The following PALM2AKAP2 variants were observed in gnomAD, a reference collection of about 807,000 sequenced individuals.
PALM2AKAP2 encodes the protein PALM2-AKAP2 fusion protein.
A neutral mutation model predicts 71.5 loss-of-function variants in PALM2AKAP2; 37 were observed. The ratio of observed to expected loss-of-function variants is 0.52; its 90% CI spans 0.40 to 0.68. The LOEUF (loss-of-function observed/expected upper bound fraction) is 0.68. Among genes scored for constraint, PALM2AKAP2 ranks in the 30% least tolerant of loss-of-function variants. The pLI is 0.00. For missense variants in PALM2AKAP2, 1,224 were observed against 1,191.8 expected, an observed-to-expected ratio of 1.03 and a Z score of -0.40; for synonymous variants, 468 against 478.8, an observed-to-expected ratio of 0.98 and a Z score of 0.29.
At chr9:109,677,062 T>C (rs1389576996) in intron 1 of PALM2AKAP2, among the ~76,000 whole-genome samples, 1 of 152,106 alleles carries the variant, frequency 6.6e-6, no homozygotes, top group South Asian at 2.1e-4. Context: ...ACTTTTAAAG[T>C]AAAATAAGGG....
At chr9:110,068,060 G>A (rs1834121003) in intron 1 of PALM2AKAP2, among the ~76,000 whole-genome samples, 1 of 144,840 alleles carries the variant, frequency 6.9e-6, no homozygotes, top group African/African-American at 2.7e-5. Context: ...ATTGGGTTTA[G>A]AGTTGTATTT....
At chr9:109,872,332 A>G (rs973557962) in intron 2 of PALM2AKAP2, among the ~76,000 whole-genome samples, 1 of 152,242 alleles carries the variant, frequency 6.6e-6, no homozygotes, top group Admixed American at 6.5e-5. Flanking sequence ...AAGGAATTTA[A>G]TATTTCCTTC....
intron 6 of PALM2AKAP2, among the ~76,000 whole-genome samples, chr9:110,011,283 A>T (rs1433808616): frequency 6.6e-6 from 1 of 150,772 alleles, no homozygotes; most frequent in East Asian, 1.9e-4. Context: ...CAGATTCTTT[A>T]TATAGGTTCT....
At position 109,971,916 on chromosome 9, in the gene PALM2AKAP2, G is replaced by A. The variant is rs1458331989; in HGVS notation, c.496+39888G>A. On this transcript the variant is annotated intron_variant, in intron 6 of 9. Coordinates refer to the PALM2AKAP2 transcript ENST00000302798. ...CACTTCTTTGCAACTCCTGCCCGTT[G>A]AAAGATTACTCATTCTACCAAGCCA... Among the ~76,000 whole-genome samples the A allele has an allele frequency of 3.3e-5, 5 of 152,130 alleles. No homozygotes were observed. In the East Asian group the frequency reaches 7.7e-4, roughly 23 times the overall value.
intron 1 of PALM2AKAP2, among the ~76,000 whole-genome samples, chr9:110,128,842 T>C (rs1835673898): frequency 1.3e-5 from 2 of 152,260 alleles, no homozygotes; most frequent in South Asian, 2.1e-4. Flanking sequence ...CTTAAAGTTA[T>C]TTCTGTCCAT....
In PALM2AKAP2 at chr9:110,085,669, C is replaced by T. The variant is rs568189443; in HGVS notation, c.156+36814C>T. On this transcript the variant is annotated intron_variant, in intron 1 of 3. Transcript: ENST00000374525. The stretch of plus-strand genomic sequence containing the variant: ...AAATTTATATGAACCTAATAATAAA[C>T]ACTGAATAATAAATTTGTGAAGTAA... Among the ~76,000 whole-genome samples, 20 of 152,242 alleles carry T rather than the reference C, an allele frequency of 1.3e-4. No homozygotes were observed. The South Asian group carries it at 4.1e-3, about 32-fold the overall frequency.
chr9:110,144,172 TG>T (rs906547779), intron 2 of PALM2AKAP2, among the ~76,000 whole-genome samples: 15 of 152,344 alleles, frequency 9.8e-5, no homozygotes, highest in African/African-American at 2.4e-4. Context: ...CATTGCTCCA[TG>T]GGGGAAGTCC....
intron 1 of PALM2AKAP2, among the ~76,000 whole-genome samples, chr9:109,755,110 T>C (rs1215796919): frequency 6.6e-6 from 1 of 152,054 alleles, no homozygotes; most frequent in Non-Finnish European, 1.5e-5. Flanking sequence ...ATTGGCCTTC[T>C]ACCTGGTTTC....
intron 1 of PALM2AKAP2, among the ~76,000 whole-genome samples, chr9:109,841,158 G>C (rs367585492): frequency 4.6e-5 from 7 of 152,070 alleles, no homozygotes; most frequent in South Asian, 2.1e-4. Flanking sequence ...AAATGTGGCA[G>C]ATATACACCA....
intron 1 of PALM2AKAP2, among the ~76,000 whole-genome samples, chr9:110,109,530 G>A (rs1354741162): frequency 6.6e-6 from 1 of 152,090 alleles, no homozygotes; most frequent in Non-Finnish European, 1.5e-5. Context: ...GACAAGTACT[G>A]ATGAATAGTT....
intron 1 of PALM2AKAP2, among the ~76,000 whole-genome samples, chr9:109,725,976 C>T (rs1168475386): frequency 6.6e-6 from 1 of 152,190 alleles, no homozygotes; most frequent in African/African-American, 2.4e-5. Flanking sequence ...CACGTAGTGC[C>T]TCATATGCCT....
At chr9:110,163,697 T>C (rs10980229) in intron 3 of PALM2AKAP2, among the ~76,000 whole-genome samples, 35,367 of 152,194 alleles carry the variant, frequency 0.23, 4,605 homozygotes, top group East Asian at 0.53. Flanking sequence ...TGTGTCCTTG[T>C]TGATCACTGT....
At chr9:110,066,991 T>G (rs117946597) in intron 1 of PALM2AKAP2, among the ~76,000 whole-genome samples, 2 of 152,152 alleles carry the variant, frequency 1.3e-5, no homozygotes, top group East Asian at 3.8e-4. Context: ...AAGAGAGAGC[T>G]CTTCATTTGG....
intron 6 of PALM2AKAP2, among the ~76,000 whole-genome samples, chr9:109,932,562 C>T (rs894364887): frequency 3.9e-5 from 6 of 152,346 alleles, no homozygotes; most frequent in East Asian, 1.9e-4. Context: ...ATTTAAAGCA[C>T]ACATGTTACT....
chr9:110,138,394 G>A (rs748069822), exon 2 of PALM2AKAP2: 1 of 1,614,256 alleles, frequency 6.2e-7, no homozygotes, highest in Admixed American at 1.7e-5. Context: ...AGCGGACTTT[G>A]TCCATGATTG....
intron 1 of PALM2AKAP2, among the ~76,000 whole-genome samples, chr9:109,745,509 T>C (rs1047405718): frequency 3.3e-5 from 5 of 152,082 alleles, no homozygotes; most frequent in Non-Finnish European, 7.4e-5. Flanking sequence ...TGTGTGTGTG[T>C]GTGTGTAGGA....
At chr9:109,889,046 C>T (rs935275237) in intron 3 of PALM2AKAP2, among the ~76,000 whole-genome samples, 1 of 152,154 alleles carries the variant, frequency 6.6e-6, no homozygotes, top group African/African-American at 2.4e-5. Context: ...GAGAATCTCA[C>T]CACCGAGTAG....
intron 1 of PALM2AKAP2, among the ~76,000 whole-genome samples, chr9:110,060,099 TTTTTG>T (rs1833930332): frequency 5.3e-5 from 2 of 37,774 alleles, no homozygotes; most frequent in Admixed American, 6.6e-4. Context: ...AGGTATTTTG[TTTTTG>T]TTTTTGTTTT....
chr9:109,665,835 G>C (rs991773223), intron 1 of PALM2AKAP2, among the ~76,000 whole-genome samples: 3 of 152,220 alleles, frequency 2.0e-5, no homozygotes, highest in African/African-American at 7.2e-5. Context: ...TTGAGCTGCA[G>C]TGGGCTCCAC....
Sources: gnomAD v4.1 joint callset for allele counts (sites outside exome capture counted in the v4.1 genomes callset) on GRCh38, gnomAD v4.1.1 for gene constraint, MANE v1.5 for transcripts, NCBI Gene and HGNC (gene_info 2026-07-23, HGNC 2026-07-21) for gene names.